The following OPA1 variants were observed in gnomAD, a reference collection of about 807,000 sequenced individuals.
OPA1 encodes OPA1 mitochondrial dynamin like GTPase.
OPA1 carries 59 observed loss-of-function variants against 152.9 expected under a neutral mutation model. That is an observed-to-expected ratio of 0.39 (90% CI 0.31 to 0.48). The LOEUF (loss-of-function observed/expected upper bound fraction) is 0.48. Ranked by LOEUF, OPA1 falls within the 20% of genes least tolerant of loss-of-function variation. The pLI, the probability that OPA1 is intolerant of heterozygous loss-of-function variation, is 0.96. For synonymous variants in OPA1, 400 were observed against 389.9 expected (o/e 1.03, Z -0.31); for missense variants, 1,008 against 1,216.8 (o/e 0.83, Z 2.55).
intron 26 of OPA1, among the ~76,000 whole-genome samples, chr3:193,664,169 A>C (rs968790173): frequency 3.3e-5 from 5 of 152,112 alleles, no homozygotes; most frequent in Non-Finnish European, 7.4e-5. Flanking sequence ...CAAAGCTATA[A>C]AATAAGTAGC....
chr3:193,596,043 T>A (rs1430548018), intron 1 of OPA1, among the ~76,000 whole-genome samples: 1 of 152,170 alleles, frequency 6.6e-6, no homozygotes, highest in Admixed American at 6.5e-5. Flanking sequence ...ATACAAAACA[T>A]ACTGCATCTA....
At position 193,609,569 on chromosome 3, in the gene OPA1, AT is replaced by A. The variant is rs549888211; in HGVS notation, c.33-5151del. ...TTGTGGCATTCTCTGTGTTTCCTGA[AT>A]TTGAATGTTGGCCTGCCTTGCTAGA... On this transcript the variant is annotated intron_variant, in intron 1 of 30. Transcript: ENST00000361510. 3.9e-3 allele frequency among the ~76,000 whole-genome samples: 599 copies of A among 152,196 alleles called. 3 individuals are homozygous for A. The highest frequency in any genetic ancestry group is 0.014 in the African/African-American group (567 of 41,504).
rs1382929259 is a variant in OPA1 at position 193,634,544 on chromosome 3, A to G, written c.844-874A>G. Among the ~76,000 whole-genome samples, 3 of 151,676 alleles carry G rather than the reference A, an allele frequency of 2.0e-5. No individual in the cohort carries two copies. In the East Asian group the frequency reaches 5.9e-4, roughly 30 times the overall value. ...GCGATTCTCCTGCCTCAGCCTCCCT[A>G]GTAGCTGGGACTACAGGTGCCCGCC... On this transcript the variant is annotated intron_variant, in intron 8 of 30. Transcript: ENST00000361510.
At chr3:193,598,650 C>T (rs1725980514) in intron 1 of OPA1, among the ~76,000 whole-genome samples, 1 of 152,076 alleles carries the variant, frequency 6.6e-6, no homozygotes. Flanking sequence ...ACCGCATAAT[C>T]TAAGGTGGTA....
At chr3:193,674,170 T>G (rs959888285) in intron 29 of OPA1, among the ~76,000 whole-genome samples, 5 of 152,250 alleles carry the variant, frequency 3.3e-5, no homozygotes, top group African/African-American at 9.6e-5. Context: ...ACAATGCTTT[T>G]GGGGCTTGTC....
chr3:193,639,183 A>G (rs1001456788), intron 11 of OPA1, among the ~76,000 whole-genome samples: 1 of 152,206 alleles, frequency 6.6e-6, no homozygotes, highest in Non-Finnish European at 1.5e-5. Flanking sequence ...GGAATGCTTA[A>G]TATGTACCAG....
intron 27 of OPA1, 64 bp from the exon 28 acceptor site, chr3:193,666,232 T>C (rs1340136339): frequency 2.2e-6 from 3 of 1,340,440 alleles, no homozygotes; most frequent in East Asian, 4.6e-5. Context: ...TAGTTGTATG[T>C]GTTTACGATG....
intron 6 of OPA1, among the ~76,000 whole-genome samples, chr3:193,621,607 T>G (rs1033246841): frequency 6.6e-6 from 1 of 152,234 alleles, no homozygotes; most frequent in Non-Finnish European, 1.5e-5. Context: ...TCTGATATGA[T>G]TTGATTAATG....
At chr3:193,596,947 G>T (rs1316970199) in intron 1 of OPA1, 2 of 152,196 alleles carry the variant, frequency 1.3e-5, no homozygotes, top group African/African-American at 4.8e-5. Context: ...AAGACGACTT[G>T]TGAGTTCCAC....
At chr3:193,632,040 G>A (rs1732161345) in intron 8 of OPA1, among the ~76,000 whole-genome samples, 1 of 152,082 alleles carries the variant, frequency 6.6e-6, no homozygotes, top group Non-Finnish European at 1.5e-5. Context: ...ACTTTGCTTC[G>A]CAAGTCTGAA....
chr3:193,676,363 A>AT (rs945429829), intron 29 of OPA1, among the ~76,000 whole-genome samples: 2 of 152,140 alleles, frequency 1.3e-5, no homozygotes, highest in South Asian at 2.1e-4. Flanking sequence ...TTGTAAAATA[A>AT]TTTTTTTTAT....
rs200756304 is a variant in OPA1, at chr3:193,648,855, G to A, written c.1996G>A (p.Val666Ile). The A allele has an allele frequency of 7.5e-5, 120 of 1,606,744 alleles. No individual in the cohort carries two copies. Among genetic ancestry groups the A allele is most frequent in the Non-Finnish European group, 1.0e-4 (120 of 1,173,668 alleles). ...ILDEVISLSQ[V>I]TPKHWEEILQ... is the part of the protein sequence containing the mutation. ...TGATGAAGTTATCAGTCTGAGCCAG[G>A]TTACACCAAAACATTGGTAAGTATT... is the stretch of plus-strand genomic sequence containing the variant. Residue 666 changes from valine to isoleucine, a missense_variant, in exon 21 of 31, where the codon GTT (valine) becomes ATT (isoleucine). Physicochemically the swap from Val to Ile is conservative, Grantham distance 29. Coordinates refer to ENST00000361510, the MANE Select transcript of OPA1 (RefSeq NM_130837.3).
At chr3:193,609,907 C>T (rs1004467189) in intron 1 of OPA1, among the ~76,000 whole-genome samples, 2 of 152,148 alleles carry the variant, frequency 1.3e-5, no homozygotes, top group African/African-American at 4.8e-5. Flanking sequence ...TTAAGGACTT[C>T]TCTGCATTAG....
At chr3:193,605,988 T>C (rs1202733382) in intron 1 of OPA1, among the ~76,000 whole-genome samples, 1 of 152,198 alleles carries the variant, frequency 6.6e-6, no homozygotes, top group Non-Finnish European at 1.5e-5. Context: ...TTCCCCATGT[T>C]CCTTTAAAGG....
chr3:193,629,552 T>C (rs1478163726), intron 7 of OPA1, among the ~76,000 whole-genome samples: 1 of 151,756 alleles, frequency 6.6e-6, no homozygotes, highest in Admixed American at 6.5e-5. Context: ...CAAAAAAAAT[T>C]AGCTGGGTGT....
chr3:193,685,402 GCTTT>G (rs1049458371), intron 29 of OPA1, among the ~76,000 whole-genome samples: 1 of 152,020 alleles, frequency 6.6e-6, no homozygotes, highest in Non-Finnish European at 1.5e-5. Flanking sequence ...TCTTAAGGTT[GCTTT>G]CTTTCTAAAT....
intron 29 of OPA1, among the ~76,000 whole-genome samples, chr3:193,673,113 G>A (rs557676532): frequency 9.2e-4 from 140 of 152,262 alleles, no homozygotes; most frequent in African/African-American, 3.0e-3. Flanking sequence ...TTAGGAACTC[G>A]TAGGTAGTAG....
At chr3:193,641,567 C>A (rs115811397) in intron 11 of OPA1, among the ~76,000 whole-genome samples, 195 of 152,242 alleles carry the variant, frequency 1.3e-3, no homozygotes, top group African/African-American at 4.5e-3. Context: ...TCTACTCAAC[C>A]CAGTGAAACT....
At chr3:193,611,686 T>G (rs1728274226) in intron 1 of OPA1, among the ~76,000 whole-genome samples, 1 of 151,760 alleles carries the variant, frequency 6.6e-6, no homozygotes, top group African/African-American at 2.4e-5. Flanking sequence ...GTTTTTTAGT[T>G]AAACTGCTAA....
Sources: gnomAD v4.1 joint callset for allele counts (sites outside exome capture counted in the v4.1 genomes callset) on GRCh38, gnomAD v4.1.1 for gene constraint, MANE v1.5 for transcripts, NCBI Gene and HGNC (gene_info 2026-07-23, HGNC 2026-07-21) for gene names.